The following PRKAB2 variants were observed in gnomAD, a reference collection of about 807,000 sequenced individuals.
The protein encoded by PRKAB2 is 5'-AMP-activated protein kinase subunit beta-2.
In PRKAB2, 18 loss-of-function variants were observed where a neutral mutation model predicts 29.8. That is an observed-to-expected ratio of 0.60 (90% CI 0.42 to 0.89). PRKAB2 has a LOEUF of 0.89. Among genes scored for constraint, PRKAB2 ranks in the 40% least tolerant of loss-of-function variants. The probability of loss-of-function intolerance (pLI) is 0.00; values close to 1 mark genes in which losing one functional copy is unlikely to be tolerated. For synonymous variants in PRKAB2, 136 were observed against 125.9 expected, an observed-to-expected ratio of 1.08 and a Z score of -0.54; for missense variants, 270 against 344.3, an observed-to-expected ratio of 0.78 and a Z score of 1.71.
rs187500160 is a variant in PRKAB2, at chr1:147,168,239, C to A, written c.157-306G>T. Reference sequence around the variant, plus strand: ...AAAAAAAGAAAAAAATAACTCCCTACCACTAGTTTAACTCATAGGCAGGCA... The same window carrying A: ...AAAAAAAGAAAAAAATAACTCCCTAACACTAGTTTAACTCATAGGCAGGCA... On this transcript the variant is annotated intron_variant, in intron 2 of 7. Coordinates refer to ENST00000254101, the MANE Select transcript of PRKAB2 (RefSeq NM_005399.5). 1.3e-3 allele frequency among the ~76,000 whole-genome samples: 200 copies of A among 152,168 alleles called. 1 individual carries two copies. The highest frequency in any genetic ancestry group is 4.7e-3 in the African/African-American group (196 of 41,514).
At chr1:147,166,406 T>A in intron 5 of PRKAB2, 92 bp downstream of exon 5, 1 of 1,355,414 alleles carries the variant, frequency 7.4e-7, no homozygotes, top group Non-Finnish European at 1.0e-6. Flanking sequence ...CTGCTCTCTC[T>A]CTCCCTCTAT....
At chr1:147,167,557 T>C (rs1403240821) in intron 3 of PRKAB2, among the ~76,000 whole-genome samples, 2 of 152,142 alleles carry the variant, frequency 1.3e-5, no homozygotes, top group Non-Finnish European at 2.9e-5. Context: ...TGAATCCCTC[T>C]GAGGCAATGA....
chr1:147,171,325 C>T lies in PRKAB2; in HGVS notation c.156+664G>A, dbSNP rs587665613. 2.0e-5 allele frequency among the ~76,000 whole-genome samples: 3 copies of T among 152,288 alleles called. No homozygotes were observed. The East Asian group carries it at 5.8e-4, about 29-fold the overall frequency. Reference sequence around the variant, plus strand: ...AGTCGTGGAATCATTGGCTCTTCCACCTACGGAGCAGCAGCGGGGCGTGAA... The same window carrying T: ...AGTCGTGGAATCATTGGCTCTTCCATCTACGGAGCAGCAGCGGGGCGTGAA... On this transcript the variant is annotated intron_variant, in intron 2 of 7. Coordinates refer to ENST00000254101, the MANE Select transcript of PRKAB2 (RefSeq NM_005399.5).
intron 6 of PRKAB2, among the ~76,000 whole-genome samples, chr1:147,162,089 T>C (rs1309693868): frequency 6.6e-6 from 1 of 152,062 alleles, no homozygotes. Flanking sequence ...AAAACAATCA[T>C]AGTAGGAATC....
intron 3 of PRKAB2, 85 bp downstream of exon 3, chr1:147,167,682 G>T: frequency 6.7e-7 from 1 of 1,482,078 alleles, no homozygotes; most frequent in Non-Finnish European, 9.1e-7. Context: ...AGTAGGTGGA[G>T]AAAAGTCCAG....
intron 2 of PRKAB2, 97 bp downstream of exon 2, chr1:147,171,892 C>G: frequency 2.0e-6 from 3 of 1,470,096 alleles, no homozygotes; most frequent in Non-Finnish European, 9.3e-7. Context: ...AACCATAGCC[C>G]GGTTCGGCGC....
chr1:147,162,200 A>C (rs1297660558), intron 6 of PRKAB2, among the ~76,000 whole-genome samples: 1 of 152,204 alleles, frequency 6.6e-6, no homozygotes, highest in Non-Finnish European at 1.5e-5. Flanking sequence ...TGCTCAAAAG[A>C]AGTCCATAGC....
intron 2 of PRKAB2, among the ~76,000 whole-genome samples, chr1:147,170,731 C>G (rs1359654731): frequency 6.6e-6 from 1 of 152,102 alleles, no homozygotes; most frequent in South Asian, 2.1e-4. Flanking sequence ...AGGCATGCAC[C>G]AGCATGCCCG....
intron 5 of PRKAB2, among the ~76,000 whole-genome samples, chr1:147,164,504 A>G (rs1215442857): frequency 6.6e-6 from 1 of 152,266 alleles, no homozygotes; most frequent in African/African-American, 2.4e-5. Context: ...AGAAAAAAGC[A>G]GAAGTAATAC....
At chr1:147,171,397 T>C (rs1477990476) in intron 2 of PRKAB2, among the ~76,000 whole-genome samples, 1 of 152,108 alleles carries the variant, frequency 6.6e-6, no homozygotes, top group African/African-American at 2.4e-5. Flanking sequence ...GGGACAAAAA[T>C]TAAGCAGTCA....
intron 7 of PRKAB2, chr1:147,160,708 G>A (rs1318467985): frequency 6.6e-6 from 1 of 151,972 alleles, no homozygotes; most frequent in African/African-American, 2.4e-5. Context: ...AAACCTACTT[G>A]GAAAGACCTG....
chr1:147,171,304 G>A (rs1260736117), intron 2 of PRKAB2, among the ~76,000 whole-genome samples: 1 of 152,176 alleles, frequency 6.6e-6, no homozygotes, highest in Non-Finnish European at 1.5e-5. Flanking sequence ...TAAACAAGTC[G>A]TGGAATCATT....
chr1:147,161,897 A>C, intron 6 of PRKAB2, 117 bp from the exon 7 acceptor site: 2 of 756,298 alleles, frequency 2.6e-6, no homozygotes, highest in Non-Finnish European at 4.2e-6. Flanking sequence ...AGAATGCGCT[A>C]TCTCTTTTCA....
intron 2 of PRKAB2, among the ~76,000 whole-genome samples, chr1:147,170,440 G>A (rs1478061238): frequency 6.6e-6 from 1 of 152,154 alleles, no homozygotes; most frequent in Non-Finnish European, 1.5e-5. Context: ...AAAATATAAT[G>A]AGGCGGATCA....
intron 5 of PRKAB2, among the ~76,000 whole-genome samples, chr1:147,165,566 A>G (rs924492893): frequency 4.6e-5 from 7 of 152,196 alleles, no homozygotes; most frequent in Non-Finnish European, 7.3e-5. Flanking sequence ...TACTGTGCAC[A>G]ATTCTTTAGA....
chr1:147,162,694 T>G (rs906023135), intron 5 of PRKAB2, 121 bp from the exon 6 acceptor site: 14 of 1,068,008 alleles, frequency 1.3e-5, no homozygotes, highest in Middle Eastern at 3.1e-4. Context: ...CACAAACTTG[T>G]GACCTGTGGG....
In PRKAB2 at chr1:147,162,557, G is replaced by A. The variant is rs1553913208; in HGVS notation, c.555C>T (p.Pro185=). The change falls in exon 6 of 8, where the codon CCC becomes CCT. Residue 185 remains proline, a synonymous_variant. Transcript: ENST00000254101. ...ETSCRDLSSS[P]PGPYGQEMYA... ...ACATTTCTTGACCATAAGGCCCTGGGGGTGAGCTGGAAAGGTCTGAAAGAT... is the reference window on the plus strand; with the variant it reads ...ACATTTCTTGACCATAAGGCCCTGGAGGTGAGCTGGAAAGGTCTGAAAGAT... The A allele has an allele frequency of 2.5e-6, 4 of 1,610,426 alleles. No individual in the cohort carries two copies. Among genetic ancestry groups the A allele is most frequent in the Admixed American group, 3.4e-5 (2 of 59,484 alleles).
At chr1:147,166,767 T>C in intron 4 of PRKAB2, 79 bp downstream of exon 4, 6 of 1,550,690 alleles carry the variant, frequency 3.9e-6, no homozygotes, top group Non-Finnish European at 5.3e-6. Context: ...GGGGAGCAGC[T>C]GCCCATCAGT....
rs1571044228 is a variant in PRKAB2, at chr1:147,155,184, T to C, written c.*4381A>G. On this transcript the variant is annotated 3_prime_UTR_variant, in exon 8 of 8. Coordinates refer to ENST00000254101, the MANE Select transcript of PRKAB2 (RefSeq NM_005399.5). The stretch of plus-strand genomic sequence containing the variant: ...TCTGTATGTATCATATCATATAATT[T>C]CCAGGTGTGTCAGAGTCCAGTGACA... 1 of 152,690 alleles carries C rather than the reference T, an allele frequency of 6.5e-6. No individual in the cohort carries two copies. The highest frequency in any genetic ancestry group is 3.4e-3 in the Middle Eastern group (1 of 294). The allele number at this position is 152,690 out of a possible 1,614,324, so 9.5% of individuals were successfully genotyped here.
Sources: allele counts gnomAD v4.1 joint callset (sites outside exome capture counted in the v4.1 genomes callset), GRCh38; gene constraint gnomAD v4.1.1; transcripts MANE v1.5; gene names NCBI Gene and HGNC (gene_info 2026-07-23, HGNC 2026-07-21).